RBFOX1: variants seen among roughly 807,000 people sequenced by gnomAD.
RBFOX1 encodes RNA binding protein fox-1 homolog 1.
RBFOX1 carries 8 observed loss-of-function variants against 57.7 expected under a neutral mutation model. The ratio of observed to expected loss-of-function variants is 0.14; its 90% CI spans 0.08 to 0.25. The LOEUF is 0.25. Ranked by LOEUF, RBFOX1 falls within the 10% of genes least tolerant of loss-of-function variation. The pLI, the probability that RBFOX1 is intolerant of heterozygous loss-of-function variation, is 1.00. For synonymous variants in RBFOX1, 326 were observed against 222.4 expected (o/e 1.47, Z -4.15); for missense variants, 611 against 548.5 (o/e 1.11, Z -1.14).
intron 1 of RBFOX1, among the ~76,000 whole-genome samples, chr16:6,174,462 G>A (rs749869916): frequency 3.9e-5 from 6 of 152,138 alleles, no homozygotes; most frequent in Non-Finnish European, 8.8e-5. Flanking sequence ...GGGCATGGAG[G>A]TGCGTGCCTG....
intron 1 of RBFOX1, among the ~76,000 whole-genome samples, chr16:6,022,961 A>G (rs1212956281): frequency 6.6e-6 from 1 of 152,152 alleles, no homozygotes; most frequent in African/African-American, 2.4e-5. Context: ...TCAAGGAGTT[A>G]TTTACCTTTA....
intron 4 of RBFOX1, among the ~76,000 whole-genome samples, chr16:7,424,732 T>G (rs573659771): frequency 1.3e-5 from 2 of 152,336 alleles, no homozygotes; most frequent in African/African-American, 4.8e-5. Context: ...TTTGACAGTT[T>G]GGGATCATAG....
rs141483622 is a variant in RBFOX1, at chr16:7,704,837, G to A, written c.996-4219G>A. ...AGGCCAAGGCAGGCAGATCACTTGAGGTTATGAGTTTGAGACCAGCCTGGG... is the reference window on the plus strand; with the variant it reads ...AGGCCAAGGCAGGCAGATCACTTGAAGTTATGAGTTTGAGACCAGCCTGGG... On this transcript the variant is annotated intron_variant, in intron 14 of 15. Transcript: ENST00000550418. Among the ~76,000 whole-genome samples, 292 of 150,946 alleles carry A rather than the reference G, an allele frequency of 1.9e-3. 1 individual carries two copies. The highest frequency in any genetic ancestry group is 7.0e-3 in the African/African-American group (287 of 41,168).
At position 7,575,764 on chromosome 16, in the gene RBFOX1, T is replaced by A. The variant is rs2093276102; in HGVS notation, c.271-4013T>A. Reference sequence around the variant, plus strand: ...AAACGCTGGCTGGTTCTAAATATGTTTTCCCCGGAAGGTCCCAGAAAAAAG... The same window carrying A: ...AAACGCTGGCTGGTTCTAAATATGTATTCCCCGGAAGGTCCCAGAAAAAAG... On this transcript the variant is annotated intron_variant, in intron 5 of 15. Transcript: ENST00000550418. Among the ~76,000 whole-genome samples, 3 of 152,128 alleles carry A rather than the reference T, an allele frequency of 2.0e-5. No homozygotes were observed. The South Asian group carries it at 6.2e-4, about 31-fold the overall frequency.
chr16:7,621,901 A>G (rs1423791315), intron 10 of RBFOX1, among the ~76,000 whole-genome samples: 1 of 152,244 alleles, frequency 6.6e-6, no homozygotes, highest in African/African-American at 2.4e-5. Flanking sequence ...TCATTTTAGC[A>G]GAAAAGCAGC....
intron 3 of RBFOX1, among the ~76,000 whole-genome samples, chr16:6,928,279 C>T (rs2075966250): frequency 6.6e-6 from 1 of 152,134 alleles, no homozygotes; most frequent in Non-Finnish European, 1.5e-5. Flanking sequence ...TAAAAGCTTA[C>T]AGCCAAGGTT....
At chr16:5,399,078 G>C (rs2066642495) in intron 1 of RBFOX1, among the ~76,000 whole-genome samples, 1 of 152,184 alleles carries the variant, frequency 6.6e-6, no homozygotes, top group Non-Finnish European at 1.5e-5. Flanking sequence ...TGATTGGTGA[G>C]AACACATGGC....
At chr16:5,400,381 C>T (rs574098431) in intron 1 of RBFOX1, among the ~76,000 whole-genome samples, 8 of 152,276 alleles carry the variant, frequency 5.3e-5, no homozygotes, top group South Asian at 4.1e-4. Flanking sequence ...GCGTGAGCCA[C>T]CACACCCGGC....
intron 4 of RBFOX1, among the ~76,000 whole-genome samples, chr16:5,899,939 G>A (rs2058266368): frequency 1.3e-5 from 2 of 152,160 alleles, no homozygotes; most frequent in African/African-American, 4.8e-5. Context: ...CAGGCATGGT[G>A]GTGCAGACCT....
intron 4 of RBFOX1, among the ~76,000 whole-genome samples, chr16:5,883,513 CG>C (rs2057817956): frequency 9.3e-6 from 1 of 107,192 alleles, no homozygotes; most frequent in South Asian, 2.4e-4. Context: ...ATCCCAGATA[CG>C]GGTGGCAAAC....
intron 4 of RBFOX1, among the ~76,000 whole-genome samples, chr16:7,124,529 CCTTCCT>C (rs1567351364): frequency 1.2e-5 from 1 of 86,518 alleles, no homozygotes; most frequent in African/African-American, 4.1e-5. Flanking sequence ...CCCCTCCCCT[CCTTCCT>C]TCCCTCTCTC....
chr16:7,127,414 A>C (rs1014399940), intron 4 of RBFOX1, among the ~76,000 whole-genome samples: 28 of 152,230 alleles, frequency 1.8e-4, no homozygotes, highest in African/African-American at 6.5e-4. Flanking sequence ...GCACTTAGCC[A>C]CTATTATCCC....
At chr16:7,390,833 A>T (rs993812374) in intron 4 of RBFOX1, among the ~76,000 whole-genome samples, 1 of 152,158 alleles carries the variant, frequency 6.6e-6, no homozygotes, top group African/African-American at 2.4e-5. Flanking sequence ...GATTCCAACA[A>T]TCGAGTTGTT....
intron 1 of RBFOX1, among the ~76,000 whole-genome samples, chr16:6,282,515 G>A (rs899180471): frequency 4.6e-5 from 7 of 152,014 alleles, no homozygotes; most frequent in African/African-American, 1.7e-4. Context: ...TTAGGTATTT[G>A]TCCTAATGCT....
chr16:5,539,612 CA>C (rs1385104862), intron 2 of RBFOX1, among the ~76,000 whole-genome samples: 1 of 151,808 alleles, frequency 6.6e-6, no homozygotes, highest in Non-Finnish European at 1.5e-5. Context: ...AAAAAAATCC[CA>C]AAAAACAAAA....
chr16:7,106,192 C>A (rs775328994), intron 4 of RBFOX1, among the ~76,000 whole-genome samples: 2 of 152,078 alleles, frequency 1.3e-5, no homozygotes, highest in South Asian at 4.1e-4. Flanking sequence ...CCTGTGGGCT[C>A]TTTTTTGTTT....
chr16:5,826,447 C>A (rs2056058790), intron 3 of RBFOX1, among the ~76,000 whole-genome samples: 1 of 152,102 alleles, frequency 6.6e-6, no homozygotes, highest in South Asian at 2.1e-4. Context: ...TGAAAAAGGC[C>A]AGGTAGTAGA....
At chr16:7,102,228 G>A (rs74011029) in intron 4 of RBFOX1, among the ~76,000 whole-genome samples, 71 of 152,306 alleles carry the variant, frequency 4.7e-4, no homozygotes, top group African/African-American at 1.3e-3. Context: ...TCGGGCTGGA[G>A]AAGAGAGATG....
At position 6,391,501 on chromosome 16, in the gene RBFOX1, C is replaced by T. The variant is rs571716463; in HGVS notation, c.-64+74444C>T. 1.8e-4 allele frequency among the ~76,000 whole-genome samples: 26 copies of T among 146,810 alleles called. 1 individual carries two copies. Among genetic ancestry groups the T allele is most frequent in the Admixed American group, 4.7e-4 (7 of 14,846 alleles). On this transcript the variant is annotated intron_variant, in intron 2 of 15. Coordinates refer to ENST00000550418, the MANE Select transcript of RBFOX1 (RefSeq NM_018723.4). ...CTCCAGCCTGGGCAACAGAACAAGA[C>T]TCCGTCTCAAAAAAAAAAAAAAAGA... is the stretch of plus-strand genomic sequence containing the variant.
Sources: gnomAD v4.1 joint callset for allele counts (sites outside exome capture counted in the v4.1 genomes callset) on GRCh38, gnomAD v4.1.1 for gene constraint, MANE v1.5 for transcripts, NCBI Gene and HGNC (gene_info 2026-07-23, HGNC 2026-07-21) for gene names.